The following EIF2AK2 variants were observed in gnomAD, a reference collection of about 807,000 sequenced individuals.
EIF2AK2 encodes the protein interferon-induced, double-stranded RNA-activated protein kinase.
EIF2AK2 carries 40 observed loss-of-function variants against 70.5 expected under a neutral mutation model. The ratio of observed to expected loss-of-function variants is 0.57; its 90% CI spans 0.44 to 0.74. EIF2AK2 has a LOEUF of 0.74. EIF2AK2 is among the 30% of genes least tolerant of loss of function. The pLI is 0.00. For synonymous variants in EIF2AK2, 198 were observed against 220.9 expected, an observed-to-expected ratio of 0.90 and a Z score of 0.92; for missense variants, 555 against 644.3, an observed-to-expected ratio of 0.86 and a Z score of 1.50.
At chr2:37,124,601 G>A (rs576320431) in intron 11 of EIF2AK2, among the ~76,000 whole-genome samples, 2 of 152,210 alleles carry the variant, frequency 1.3e-5, no homozygotes, top group South Asian at 4.1e-4. Flanking sequence ...CATCGATCAG[G>A]GGACAGAACA....
intron 13 of EIF2AK2, among the ~76,000 whole-genome samples, chr2:37,117,689 G>A (rs1049330989): frequency 2.6e-4 from 39 of 152,216 alleles, no homozygotes; most frequent in African/African-American, 9.2e-4. Flanking sequence ...AGGATGACCA[G>A]AGCCTGGGCT....
chr2:37,150,041 C>A (rs1370985898), intron 1 of EIF2AK2, among the ~76,000 whole-genome samples: 3 of 152,026 alleles, frequency 2.0e-5, no homozygotes, highest in African/African-American at 7.2e-5. Context: ...GAATGTTCTT[C>A]CTGCTGTGCA....
intron 2 of EIF2AK2, 184 bp downstream of exon 2, chr2:37,148,673 C>A: frequency 1.2e-6 from 1 of 817,956 alleles, no homozygotes; most frequent in Non-Finnish European, 2.2e-6. Context: ...TGGAAGGACA[C>A]TTTCTAGGAA....
intron 4 of EIF2AK2, among the ~76,000 whole-genome samples, chr2:37,143,000 G>A (rs189443623): frequency 5.5e-4 from 84 of 152,232 alleles, no homozygotes; most frequent in African/African-American, 1.9e-3. Flanking sequence ...AGACCAAAGC[G>A]AGTGGATCAC....
intron 12 of EIF2AK2, among the ~76,000 whole-genome samples, chr2:37,120,781 G>A (rs1674516151): frequency 6.7e-6 from 1 of 148,442 alleles, no homozygotes; most frequent in Non-Finnish European, 1.5e-5. Flanking sequence ...TGGGCAGCAT[G>A]GCGAAACCCC....
At position 37,155,778 on chromosome 2, in the gene EIF2AK2, T is replaced by C. The variant is rs577969519; in HGVS notation, c.-184+1130A>G. On this transcript the variant is annotated intron_variant, in intron 1 of 16. Transcript: ENST00000233057. ...CAACACGGTGAAACCCTGTCTCTAC[T>C]AAAAATAAAAAAATTAGTTGGCTGT... Among the ~76,000 whole-genome samples, 10 of 151,910 alleles carry C rather than the reference T, an allele frequency of 6.6e-5. No individual in the cohort carries two copies. The East Asian group carries it at 1.7e-3, about 26-fold the overall frequency.
Position 37,146,882 on chromosome 2 carries a change from C to T in EIF2AK2, c.211G>A (p.Ala71Thr), listed in dbSNP as rs1558429660. The T allele has an allele frequency of 6.2e-7, 1 of 1,613,916 alleles. No individual in the cohort carries two copies. The highest frequency in any genetic ancestry group is 1.7e-5 in the Admixed American group (1 of 60,016). Residue 71 changes from alanine to threonine, a missense_variant, in exon 4 of 17, where the codon GCT becomes ACT. Ala to Thr is a moderately conservative substitution (Grantham distance 58). Coordinates refer to ENST00000233057, the MANE Select transcript of EIF2AK2 (RefSeq NM_001135651.3). ...KEAKNAAAKL[A>T]VEILNKEKKA... ...TTTTCCTTATTAAGTATCTCAACAG[C>T]TAATTTGGCTGCGGCATTTTTTGCT...
At chr2:37,138,657 G>C in intron 6 of EIF2AK2, 72 bp from the exon 7 acceptor site, 1 of 1,266,656 alleles carries the variant, frequency 7.9e-7, no homozygotes, top group Non-Finnish European at 1.1e-6. Flanking sequence ...CAGTTTCTAT[G>C]TACTATCACA....
chr2:37,147,866 T>TA, intron 2 of EIF2AK2, 44 bp from the exon 3 acceptor site: 1 of 1,379,410 alleles, frequency 7.2e-7, no homozygotes, highest in Non-Finnish European at 1.0e-6. Flanking sequence ...TCACAGAACA[T>TA]ATTTAATCTG....
chr2:37,124,354 TGGG>T (rs1359488586), intron 11 of EIF2AK2, among the ~76,000 whole-genome samples: 5 of 151,912 alleles, frequency 3.3e-5, no homozygotes, highest in Non-Finnish European at 7.4e-5. Flanking sequence ...CTCCGCCTCC[TGGG>T]TTCAAGCGAT....
intron 3 of EIF2AK2, among the ~76,000 whole-genome samples, chr2:37,147,487 G>A (rs1326024737): frequency 8.7e-6 from 1 of 115,564 alleles, no homozygotes; most frequent in Non-Finnish European, 1.6e-5. Context: ...AACAGTCCCT[G>A]GTGTGTGATG....
At chr2:37,109,666 A>T (rs2148664003) in intron 14 of EIF2AK2, among the ~76,000 whole-genome samples, 1 of 152,360 alleles carries the variant, frequency 6.6e-6, no homozygotes, top group East Asian at 1.9e-4. Context: ...AACTGGAAAC[A>T]ACTCAAAGGA....
Position 37,102,354 on chromosome 2 carries a change from G to A in EIF2AK2, c.*4919C>T, listed in dbSNP as rs1327532216. ...ATTTGTTGCAGCTGGGTGATGGGTA[G>A]AGTTTCATTATTCTATTTTTGTGTA... On this transcript the variant is annotated 3_prime_UTR_variant, in exon 17 of 17. Transcript: ENST00000233057. The A allele has an allele frequency of 1.3e-5, 2 of 152,156 alleles. No homozygotes were observed. Among genetic ancestry groups the A allele is most frequent in the African/African-American group, 4.8e-5 (2 of 41,448 alleles). The allele number at this position is 152,156 out of a possible 1,614,324, so 9.4% of individuals were successfully genotyped here. A position where few individuals can be genotyped will look rare whatever the true frequency, so the allele number is the denominator to read the frequency against.
At chr2:37,122,756 T>A (rs1263048146) in intron 11 of EIF2AK2, 92 bp from the exon 12 acceptor site, 32 of 1,494,868 alleles carry the variant, frequency 2.1e-5, no homozygotes, top group Non-Finnish European at 2.8e-5. Flanking sequence ...CTGTCTACAT[T>A]CCCTTATTAA....
chr2:37,152,872 T>C (rs1171814343), intron 1 of EIF2AK2, among the ~76,000 whole-genome samples: 1 of 152,238 alleles, frequency 6.6e-6, no homozygotes. Context: ...TGAAGTTTCC[T>C]TTCACAGGAA....
In EIF2AK2 at chr2:37,100,069, C is replaced by G. The variant is rs1390548913; in HGVS notation, c.*7204G>C. ...TGCACAACTCTGAATATAGTAAACA[C>G]TACTGAATTGTATACTGTATAGGTG... On this transcript the variant is annotated 3_prime_UTR_variant, in exon 17 of 17. Coordinates refer to ENST00000233057, the MANE Select transcript of EIF2AK2 (RefSeq NM_001135651.3). 2 of 151,988 alleles carry G rather than the reference C, an allele frequency of 1.3e-5. No individual in the cohort carries two copies. The highest frequency in any genetic ancestry group is 6.6e-5 in the Admixed American group (1 of 15,264). 9.4% of individuals were successfully genotyped at this position (151,988 alleles called of 1,614,324 possible). A position where few individuals can be genotyped will look rare whatever the true frequency, so the allele number is the denominator to read the frequency against.
chr2:37,134,429 G>A (rs1468360458), intron 10 of EIF2AK2, among the ~76,000 whole-genome samples: 5 of 152,080 alleles, frequency 3.3e-5, no homozygotes, highest in East Asian at 1.9e-4. Flanking sequence ...CAAACTAACC[G>A]AGTTGACTAC....
In EIF2AK2 at chr2:37,107,060, A is replaced by T; in HGVS notation, c.*213T>A. On this transcript the variant is annotated 3_prime_UTR_variant, in exon 17 of 17. Coordinates refer to ENST00000233057, the MANE Select transcript of EIF2AK2 (RefSeq NM_001135651.3). ...CTGTCTTTAAAAAAAAAAAAAGAAT[A>T]AAGAGATGAGCCAGGAAAAAGTAAA... The T allele has an allele frequency of 1.8e-6, 1 of 541,228 alleles. No homozygotes were observed. Among genetic ancestry groups the T allele is most frequent in the Non-Finnish European group, 2.9e-6 (1 of 347,948 alleles). The allele number at this position is 541,228 out of a possible 1,614,324, so 33.5% of individuals were successfully genotyped here. A position where few individuals can be genotyped will look rare whatever the true frequency, so the allele number is the denominator to read the frequency against.
Position 37,122,526 on chromosome 2 carries a change from C to T in EIF2AK2, c.1047G>A (p.Glu349=), listed in dbSNP as rs570485891. 6.2e-7 allele frequency: 1 copy of T among 1,612,290 alleles called. No homozygotes were observed. Among genetic ancestry groups the T allele is most frequent in the African/African-American group, 1.3e-5 (1 of 74,870 alleles). ...DSLESSDYDP[E]NSKNSSRSKT... ...GTTACCTTGAACTATTTTTGCTGTT[C>T]TCAGGATCATAATCACTGCTCTCAA... Residue 349 remains glutamate, a synonymous_variant, in exon 12 of 17, where the codon GAG becomes GAA. Coordinates refer to ENST00000233057, the MANE Select transcript of EIF2AK2 (RefSeq NM_001135651.3).
Sources: allele counts gnomAD v4.1 joint callset (sites outside exome capture counted in the v4.1 genomes callset), GRCh38; gene constraint gnomAD v4.1.1; transcripts MANE v1.5; gene names NCBI Gene and HGNC (gene_info 2026-07-23, HGNC 2026-07-21).